The following KCNB2 variants were observed in gnomAD, a reference collection of about 807,000 sequenced individuals.
The protein encoded by KCNB2 is potassium voltage-gated channel subfamily B member 2.
A neutral mutation model predicts 61.5 loss-of-function variants in KCNB2; 15 were observed. The observed-to-expected ratio is 0.24, with a 90% CI of 0.16 to 0.38. KCNB2 has a LOEUF of 0.38. KCNB2 is among the 10% of genes least tolerant of loss of function. KCNB2 has a pLI of 1.00. For synonymous variants in KCNB2, 457 were observed against 446.0 expected (o/e 1.02, Z -0.31); for missense variants, 828 against 1,125.2 (o/e 0.74, Z 3.78).
chr8:72,545,819 T>A (rs1806249520), intron 1 of KCNB2, among the ~76,000 whole-genome samples: 1 of 152,162 alleles, frequency 6.6e-6, no homozygotes. Flanking sequence ...AAAGGAAAAG[T>A]TATTGAAGGA....
chr8:72,619,965 G>A (rs1038405289), intron 2 of KCNB2, among the ~76,000 whole-genome samples: 2 of 152,076 alleles, frequency 1.3e-5, no homozygotes, highest in African/African-American at 4.8e-5. Flanking sequence ...TGCTATAAGT[G>A]TGAAATACAC....
At chr8:72,719,169 A>T (rs570451437) in intron 2 of KCNB2, among the ~76,000 whole-genome samples, 22 of 152,212 alleles carry the variant, frequency 1.4e-4, no homozygotes, top group African/African-American at 5.3e-4. Context: ...ATGGGAATAC[A>T]TGGAATATTC....
intron 2 of KCNB2, among the ~76,000 whole-genome samples, chr8:72,755,753 T>C (rs1808279157): frequency 6.6e-6 from 1 of 152,220 alleles, no homozygotes; most frequent in African/African-American, 2.4e-5. Flanking sequence ...GCTTGTTTTA[T>C]AAGGCAACTG....
chr8:72,916,622 A>G (rs567980308), intron 2 of KCNB2, among the ~76,000 whole-genome samples: 1 of 152,242 alleles, frequency 6.6e-6, no homozygotes, highest in Non-Finnish European at 1.5e-5. Flanking sequence ...TTGCATCTGC[A>G]CTCCTGGCAC....
intron 2 of KCNB2, among the ~76,000 whole-genome samples, chr8:72,707,267 C>T (rs1427335856): frequency 6.6e-6 from 1 of 152,186 alleles, no homozygotes; most frequent in Non-Finnish European, 1.5e-5. Context: ...AGTGGCTCTG[C>T]TTAAAATCTT....
At chr8:72,649,562 C>A (rs1401656969) in intron 2 of KCNB2, among the ~76,000 whole-genome samples, 2 of 152,096 alleles carry the variant, frequency 1.3e-5, no homozygotes, top group African/African-American at 2.4e-5. Context: ...ATGTTACAAA[C>A]CTGCATGTGT....
chr8:72,761,885 A>G (rs184890169), intron 2 of KCNB2, among the ~76,000 whole-genome samples: 1 of 152,184 alleles, frequency 6.6e-6, no homozygotes, highest in Non-Finnish European at 1.5e-5. Context: ...TATCCCCTTC[A>G]TAAGGCACAG....
At chr8:72,596,830 A>C (rs1019974067) in intron 2 of KCNB2, among the ~76,000 whole-genome samples, 10 of 152,036 alleles carry the variant, frequency 6.6e-5, no homozygotes, top group African/African-American at 2.4e-4. Context: ...GGGTTTTCCA[A>C]ATATCACATG....
chr8:72,853,912 T>C (rs553789720), intron 2 of KCNB2, among the ~76,000 whole-genome samples: 1 of 152,330 alleles, frequency 6.6e-6, no homozygotes, highest in South Asian at 2.1e-4. Flanking sequence ...TCCATACAAG[T>C]AGATAGATAT....
intron 1 of KCNB2, among the ~76,000 whole-genome samples, chr8:72,547,164 C>T (rs908108307): frequency 1.3e-5 from 2 of 152,162 alleles, no homozygotes; most frequent in African/African-American, 4.8e-5. Context: ...TTTAAGCCCA[C>T]CATTAGAACC....
chr8:72,592,007 A>C (rs1287445386), intron 2 of KCNB2, among the ~76,000 whole-genome samples: 1 of 152,178 alleles, frequency 6.6e-6, no homozygotes, highest in Non-Finnish European at 1.5e-5. Flanking sequence ...AAATCATAAG[A>C]AATTTACATT....
chr8:72,786,219 T>C (rs1015746845), intron 2 of KCNB2, among the ~76,000 whole-genome samples: 1 of 152,164 alleles, frequency 6.6e-6, no homozygotes, highest in South Asian at 2.1e-4. Context: ...ATTTAATATA[T>C]GTGCACTCAT....
intron 2 of KCNB2, among the ~76,000 whole-genome samples, chr8:72,819,135 C>CA (rs1435066931): frequency 1.3e-5 from 2 of 152,092 alleles, no homozygotes. Context: ...GCCACAACCA[C>CA]AAAACATCTT....
At chr8:72,679,465 C>T (rs1417737554) in intron 2 of KCNB2, among the ~76,000 whole-genome samples, 1 of 152,184 alleles carries the variant, frequency 6.6e-6, no homozygotes, top group African/African-American at 2.4e-5. Flanking sequence ...CAAGCGTTTC[C>T]ACTGAAATAC....
At chr8:72,926,711 C>T (rs538810907) in intron 2 of KCNB2, among the ~76,000 whole-genome samples, 36 of 152,208 alleles carry the variant, frequency 2.4e-4, no homozygotes, top group African/African-American at 8.2e-4. Context: ...TTATCATAAA[C>T]TTGGGAAGTC....
chr8:72,548,976 A>C (rs1214184105), intron 1 of KCNB2, among the ~76,000 whole-genome samples: 1 of 152,220 alleles, frequency 6.6e-6, no homozygotes, highest in Non-Finnish European at 1.5e-5. Context: ...TGTGTTACTC[A>C]AAGCCTTTTT....
intron 2 of KCNB2, among the ~76,000 whole-genome samples, chr8:72,859,252 C>T (rs999089259): frequency 3.9e-5 from 6 of 152,132 alleles, no homozygotes; most frequent in African/African-American, 9.7e-5. Flanking sequence ...CTTGAGATTC[C>T]TCACGTATAG....
intron 2 of KCNB2, among the ~76,000 whole-genome samples, chr8:72,761,484 A>C (rs1378750113): frequency 6.6e-6 from 1 of 152,210 alleles, no homozygotes; most frequent in African/African-American, 2.4e-5. Context: ...CCAAAGGATA[A>C]GCATTGTTCT....
intron 2 of KCNB2, among the ~76,000 whole-genome samples, chr8:72,763,137 T>C (rs912077442): frequency 6.6e-6 from 1 of 151,924 alleles, no homozygotes; most frequent in African/African-American, 2.4e-5. Context: ...TATCAGGTAG[T>C]AACTGAGAAA....
Sources: allele counts gnomAD v4.1 joint callset (sites outside exome capture counted in the v4.1 genomes callset), GRCh38; gene constraint gnomAD v4.1.1; transcripts MANE v1.5; gene names NCBI Gene and HGNC (gene_info 2026-07-23, HGNC 2026-07-21).